FHAD1: variants seen among roughly 807,000 people sequenced by gnomAD.
FHAD1 encodes the protein forkhead associated phosphopeptide binding domain 1, also known as forkhead-associated domain-containing protein 1.
FHAD1 carries 146 observed loss-of-function variants against 191.3 expected under a neutral mutation model. The ratio of observed to expected loss-of-function variants is 0.76; its 90% CI spans 0.67 to 0.88. FHAD1 has a LOEUF of 0.88. Ranked by LOEUF, FHAD1 falls within the 40% of genes least tolerant of loss-of-function variation. The pLI is 0.00. For missense variants in FHAD1, 1,635 were observed against 1,785.8 expected (o/e 0.92, Z 1.52); for synonymous variants, 616 against 672.3 (o/e 0.92, Z 1.29).
At chr1:15,361,828 A>C (rs948002016) in intron 22 of FHAD1, among the ~76,000 whole-genome samples, 1 of 152,040 alleles carries the variant, frequency 6.6e-6, no homozygotes, top group African/African-American at 2.4e-5. Context: ...AACATGGTGA[A>C]ACCCCGTCTC....
intron 8 of FHAD1, chr1:15,315,112 A>G (rs1420777431): frequency 6.6e-6 from 1 of 152,014 alleles, no homozygotes; most frequent in Non-Finnish European, 1.5e-5. Flanking sequence ...GACCAAGGGT[A>G]TTGCTCATGT....
chr1:15,372,087 G>A (rs899194817), intron 26 of FHAD1, among the ~76,000 whole-genome samples: 2 of 152,184 alleles, frequency 1.3e-5, no homozygotes, highest in African/African-American at 2.4e-5. Flanking sequence ...GGGAATAAGC[G>A]CTCTGAGGAA....
chr1:15,282,746 AT>A (rs1378514563), intron 3 of FHAD1, among the ~76,000 whole-genome samples: 10 of 152,214 alleles, frequency 6.6e-5, no homozygotes, highest in African/African-American at 2.4e-4. Context: ...TCTCATCTGT[AT>A]TACTAATATT....
At chr1:15,314,993 G>A (rs113524822) in intron 8 of FHAD1, 1 of 151,880 alleles carries the variant, frequency 6.6e-6, no homozygotes, top group Non-Finnish European at 1.5e-5. Flanking sequence ...TGCCCACGAA[G>A]TGCATTTGGG....
chr1:15,263,632 C>T (rs974182216), intron 2 of FHAD1, among the ~76,000 whole-genome samples: 1 of 151,274 alleles, frequency 6.6e-6, no homozygotes, highest in East Asian at 1.9e-4. Flanking sequence ...TGCCATTCTC[C>T]TGCCTCAGCC....
rs116334090 is a variant in FHAD1 at position 15,356,093 on chromosome 1, C to T, written c.2563-2017C>T. ...GATATCGATAACTACCGATTTATGACCAAGTTAGTGATTGACACTGTGACA... is the reference window on the plus strand; with the variant it reads ...GATATCGATAACTACCGATTTATGATCAAGTTAGTGATTGACACTGTGACA... On this transcript the variant is annotated intron_variant, in intron 20 of 33. Coordinates refer to ENST00000688493, the MANE Select transcript of FHAD1 (RefSeq NM_001391957.1). Among the ~76,000 whole-genome samples, 754 of 152,274 alleles carry T rather than the reference C, an allele frequency of 5.0e-3. 1 individual carries two copies. Among genetic ancestry groups the T allele is most frequent in the Middle Eastern group, 0.01 (3 of 294 alleles).
intron 33 of FHAD1, among the ~76,000 whole-genome samples, chr1:15,395,907 T>C (rs543039085): frequency 3.3e-5 from 5 of 152,316 alleles, no homozygotes; most frequent in African/African-American, 1.2e-4. Flanking sequence ...GACACCCAGT[T>C]CTAAGCCATC....
At chr1:15,268,787 A>G (rs941945104) in intron 2 of FHAD1, among the ~76,000 whole-genome samples, 12 of 150,220 alleles carry the variant, frequency 8.0e-5, no homozygotes, top group African/African-American at 2.9e-4. Flanking sequence ...GGCTGCATAA[A>G]TGTCTTCTTT....
intron 27 of FHAD1, 33 bp from the exon 28 acceptor site, chr1:15,375,570 C>G: frequency 6.7e-7 from 1 of 1,494,774 alleles, no homozygotes. Flanking sequence ...CTTCCTGAGC[C>G]TTTCTTTTGA....
At chr1:15,270,307 G>C (rs1218108683) in intron 2 of FHAD1, among the ~76,000 whole-genome samples, 2 of 152,074 alleles carry the variant, frequency 1.3e-5, no homozygotes, top group Non-Finnish European at 2.9e-5. Context: ...TTAATATTTT[G>C]GGTGGCAAAG....
intron 6 of FHAD1, among the ~76,000 whole-genome samples, chr1:15,302,453 C>T (rs578003842): frequency 6.6e-5 from 10 of 152,140 alleles, no homozygotes; most frequent in South Asian, 6.2e-4. Flanking sequence ...TGGCTGGGCG[C>T]GGTGGCGCAC....
chr1:15,364,166 C>A (rs1187285491), intron 23 of FHAD1: 2 of 210,400 alleles, frequency 9.5e-6, no homozygotes, highest in African/African-American at 4.7e-5. Flanking sequence ...AACACACTCA[C>A]GTGGACACAC....
chr1:15,324,665 C>T (rs571557784), intron 11 of FHAD1, 106 bp downstream of exon 11: 35 of 773,026 alleles, frequency 4.5e-5, no homozygotes, highest in African/African-American at 2.9e-4. Flanking sequence ...GAAAGACAGA[C>T]GTGCGTTAAT....
rs749803857 is a variant in FHAD1 at position 15,316,336 on chromosome 1, G to A, written c.1171-42G>A. 2 of 1,517,284 alleles carry A rather than the reference G, an allele frequency of 1.3e-6. No homozygotes were observed. The highest frequency in any genetic ancestry group is 1.4e-5 in the African/African-American group (1 of 72,338). 94.0% of individuals were successfully genotyped at this position (1,517,284 alleles called of 1,614,324 possible). A position where few individuals can be genotyped will look rare whatever the true frequency, so the allele number is the denominator to read the frequency against. On this transcript the variant is annotated intron_variant, in intron 8 of 33. Transcript: ENST00000688493. The surrounding 1 kb of genome is among the most constrained non-coding windows in gnomAD (Gnocchi z 4.3). ...CCTCCTTCCCCCGACAACCCTACCTGGCCAACGTTGGCCTCTTTCTGTGTT... is the reference window on the plus strand; with the variant it reads ...CCTCCTTCCCCCGACAACCCTACCTAGCCAACGTTGGCCTCTTTCTGTGTT...
intron 12 of FHAD1, 34 bp from the exon 13 acceptor site, chr1:15,328,243 T>C (rs774172758): frequency 1.6e-6 from 2 of 1,261,150 alleles, no homozygotes; most frequent in Non-Finnish European, 1.0e-6. Context: ...TGTTACATCT[T>C]TTTTTTTTTT....
At chr1:15,391,582 A>C (rs145053540) in intron 33 of FHAD1, among the ~76,000 whole-genome samples, 9 of 152,322 alleles carry the variant, frequency 5.9e-5, no homozygotes, top group African/African-American at 2.2e-4. Context: ...AATTGATCCA[A>C]TCCACACTCC....
Position 15,318,025 on chromosome 1 carries a change from C to A in FHAD1, c.1365+97C>A. ...CTAAGTGGACTATGCTGGTATTAAC[C>A]CTTCTTACAGCTGAGAAAACTGAGG... On this transcript the variant is annotated intron_variant, in intron 10 of 33. Coordinates refer to ENST00000688493, the MANE Select transcript of FHAD1 (RefSeq NM_001391957.1). This position sits in a 1 kb window ranked among gnomAD's most constrained non-coding sequence, Gnocchi z 4.1. 1.3e-6 allele frequency: 1 copy of A among 745,570 alleles called. No individual in the cohort carries two copies. The highest frequency in any genetic ancestry group is 2.7e-5 in the Admixed American group (1 of 36,442). 46.2% of individuals were successfully genotyped at this position (745,570 alleles called of 1,614,324 possible). A position where few individuals can be genotyped will look rare whatever the true frequency, so the allele number is the denominator to read the frequency against.
chr1:15,390,569 A>G lies in FHAD1; in HGVS notation c.4270-641A>G, dbSNP rs1348898007. Among the ~76,000 whole-genome samples, 4 of 151,794 alleles carry G rather than the reference A, an allele frequency of 2.6e-5. No homozygotes were observed. In the East Asian group the frequency reaches 7.8e-4, roughly 29 times the overall value. The stretch of plus-strand genomic sequence containing the variant: ...GGCATGAGGTTGGTGACCCCCATGG[A>G]AGGTTGGGGATCTCTGAGAGGGGGG... On this transcript the variant is annotated intron_variant, in intron 32 of 33. Coordinates refer to ENST00000688493, the MANE Select transcript of FHAD1 (RefSeq NM_001391957.1).
chr1:15,398,784 C>CAA (rs5772639), downstream of FHAD1, among the ~76,000 whole-genome samples: 124 of 133,720 alleles, frequency 9.3e-4, no homozygotes, highest in South Asian at 3.8e-3. Context: ...GCCAGGCAGC[C>CAA]AAAAAAAAAA....
Sources: allele counts gnomAD v4.1 joint callset (sites outside exome capture counted in the v4.1 genomes callset), GRCh38; gene constraint gnomAD v4.1.1; non-coding constraint Gnocchi (gnomAD v3.1); transcripts MANE v1.5; gene names NCBI Gene and HGNC (gene_info 2026-07-23, HGNC 2026-07-21).